The following MFHAS1 variants were observed in gnomAD, a reference collection of about 807,000 sequenced individuals.
The protein encoded by MFHAS1 is malignant fibrous histiocytoma-amplified sequence 1.
In MFHAS1, 50 loss-of-function variants were observed where a neutral mutation model predicts 70.4. The observed-to-expected ratio is 0.71, with a 90% CI of 0.57 to 0.90. The LOEUF is 0.90. MFHAS1 is among the 40% of genes least tolerant of loss of function. The pLI is 0.00. For missense variants in MFHAS1, 1,795 were observed against 1,347.6 expected (o/e 1.33, Z -5.20); for synonymous variants, 952 against 620.0 (o/e 1.54, Z -7.96).
intron 1 of MFHAS1, among the ~76,000 whole-genome samples, chr8:8,843,205 C>A (rs1167819819): frequency 6.7e-6 from 1 of 150,282 alleles, no homozygotes; most frequent in Non-Finnish European, 1.5e-5. Context: ...GGAAGCGGAG[C>A]TTGCAGTGAG....
intron 1 of MFHAS1, among the ~76,000 whole-genome samples, chr8:8,827,041 A>G (rs1807190242): frequency 6.6e-6 from 1 of 152,158 alleles, no homozygotes. Flanking sequence ...TATCTTCCTT[A>G]CTGATATCCC....
At chr8:8,812,262 G>A (rs1160272781) in intron 1 of MFHAS1, among the ~76,000 whole-genome samples, 2 of 152,146 alleles carry the variant, frequency 1.3e-5, no homozygotes, top group African/African-American at 4.8e-5. Flanking sequence ...GAATCATTTA[G>A]TGGTTCAGGG....
chr8:8,891,820 G>A lies in MFHAS1; in HGVS notation c.1239C>T (p.Leu413=), dbSNP rs767372805. 2 of 1,613,104 alleles carry A rather than the reference G, an allele frequency of 1.2e-6. No individual in the cohort carries two copies. The change falls in exon 1 of 3, where the codon CTC becomes CTT. Residue 413 remains leucine, a synonymous_variant. Transcript: ENST00000276282. This position sits in a 1 kb window ranked among gnomAD's most constrained non-coding sequence, Gnocchi z 5.4. ...QPAVQPRLKL[L]LMGHKAAGKT... is the part of the protein sequence containing the mutation. Reference sequence around the variant, plus strand: ...TTCCTGCAGCCTTATGCCCCATCAGGAGCAGCTTGAGCCGGGGCTGCACCG... The same window carrying A: ...TTCCTGCAGCCTTATGCCCCATCAGAAGCAGCTTGAGCCGGGGCTGCACCG...
intron 1 of MFHAS1, among the ~76,000 whole-genome samples, chr8:8,824,419 A>G (rs1807077006): frequency 6.6e-6 from 1 of 152,012 alleles, no homozygotes; most frequent in Admixed American, 6.5e-5. Flanking sequence ...TCTCCCTTAA[A>G]TGGCCTGGAA....
At chr8:8,801,080 TG>T (rs1806069093) in intron 1 of MFHAS1, among the ~76,000 whole-genome samples, 1 of 152,000 alleles carries the variant, frequency 6.6e-6, no homozygotes. Context: ...TGGGGCGTGG[TG>T]GCACGCGCCT....
chr8:8,876,425 T>C (rs556627810), intron 1 of MFHAS1, among the ~76,000 whole-genome samples: 1 of 152,220 alleles, frequency 6.6e-6, no homozygotes, highest in African/African-American at 2.4e-5. Flanking sequence ...ACTCAAATGA[T>C]GATAAGATGC....
chr8:8,830,289 T>C (rs1300438441), intron 1 of MFHAS1, among the ~76,000 whole-genome samples: 2 of 152,210 alleles, frequency 1.3e-5, no homozygotes, highest in African/African-American at 4.8e-5. Context: ...TCTGGTTCTA[T>C]CTATATCAGG....
intron 1 of MFHAS1, among the ~76,000 whole-genome samples, chr8:8,884,700 C>T (rs542573357): frequency 6.6e-6 from 1 of 152,268 alleles, no homozygotes; most frequent in Admixed American, 6.5e-5. Flanking sequence ...CATGGTGGCT[C>T]AAGCCTATAA....
intron 1 of MFHAS1, among the ~76,000 whole-genome samples, chr8:8,858,334 A>C (rs1808523007): frequency 6.6e-6 from 1 of 152,208 alleles, no homozygotes; most frequent in Admixed American, 6.5e-5. Flanking sequence ...AGATGTCTCC[A>C]TGTCATCAAA....
intron 1 of MFHAS1, among the ~76,000 whole-genome samples, chr8:8,814,421 G>C (rs2117289727): frequency 6.6e-6 from 1 of 152,314 alleles, no homozygotes; most frequent in African/African-American, 2.4e-5. Flanking sequence ...GACCATCTAG[G>C]TTTGTGTAAG....
At chr8:8,831,460 C>G (rs1039936208) in intron 1 of MFHAS1, among the ~76,000 whole-genome samples, 1 of 152,010 alleles carries the variant, frequency 6.6e-6, no homozygotes. Flanking sequence ...TAAGCAGGGT[C>G]GGGCCTCGTT....
At chr8:8,831,875 G>T (rs748558654) in intron 1 of MFHAS1, among the ~76,000 whole-genome samples, 8 of 152,222 alleles carry the variant, frequency 5.3e-5, no homozygotes, top group Admixed American at 2.6e-4. Flanking sequence ...GCCTCCCAAA[G>T]TGCTGGGATT....
At chr8:8,852,697 C>T (rs1476983401) in intron 1 of MFHAS1, among the ~76,000 whole-genome samples, 1 of 152,194 alleles carries the variant, frequency 6.6e-6, no homozygotes, top group African/African-American at 2.4e-5. Context: ...TGCATTAATT[C>T]CGTTCTGAAG....
At chr8:8,801,283 A>AC (rs1806076270) in intron 1 of MFHAS1, among the ~76,000 whole-genome samples, 1 of 152,074 alleles carries the variant, frequency 6.6e-6, no homozygotes, top group African/African-American at 2.4e-5. Flanking sequence ...CTCTAACTGT[A>AC]CCCCAGACTG....
intron 2 of MFHAS1, among the ~76,000 whole-genome samples, chr8:8,788,131 A>G (rs2117241381): frequency 6.6e-6 from 1 of 152,304 alleles, no homozygotes; most frequent in Middle Eastern, 3.4e-3. Context: ...CCATGTTTCA[A>G]TTATAATTAG....
chr8:8,864,044 A>G (rs1585058929), intron 1 of MFHAS1, among the ~76,000 whole-genome samples: 1 of 152,096 alleles, frequency 6.6e-6, no homozygotes, highest in East Asian at 1.9e-4. Context: ...ATGTAGTTAC[A>G]TTGCCTTCCC....
chr8:8,871,034 T>A (rs949292552), intron 1 of MFHAS1, among the ~76,000 whole-genome samples: 1 of 152,120 alleles, frequency 6.6e-6, no homozygotes, highest in African/African-American at 2.4e-5. Context: ...TGCTTTTCAT[T>A]CAAATAACTA....
At chr8:8,793,738 G>T (rs1805796074) in intron 2 of MFHAS1, among the ~76,000 whole-genome samples, 1 of 152,212 alleles carries the variant, frequency 6.6e-6, no homozygotes, top group Middle Eastern at 3.2e-3. Context: ...AGGCCCCACT[G>T]GCCAGGGAAC....
chr8:8,869,636 GC>G (rs1293348748), intron 1 of MFHAS1, among the ~76,000 whole-genome samples: 1 of 152,160 alleles, frequency 6.6e-6, no homozygotes, highest in East Asian at 1.9e-4. Flanking sequence ...TAAGCTAGCA[GC>G]CGTTCCACAT....
Sources: allele counts gnomAD v4.1 joint callset (sites outside exome capture counted in the v4.1 genomes callset), GRCh38; gene constraint gnomAD v4.1.1; non-coding constraint Gnocchi (gnomAD v3.1); transcripts MANE v1.5; gene names NCBI Gene and HGNC (gene_info 2026-07-23, HGNC 2026-07-21).